The following KCNH7 variants were observed in gnomAD, a reference collection of about 807,000 sequenced individuals.
The protein encoded by KCNH7 is potassium voltage-gated channel subfamily H member 7, also known as voltage-gated inwardly rectifying potassium channel KCNH7.
Under a neutral mutation model 120.8 loss-of-function variants are expected in KCNH7, and 49 were observed. The observed-to-expected ratio is 0.41, with a 90% CI of 0.32 to 0.51. KCNH7 has a LOEUF of 0.51. Among genes scored for constraint, KCNH7 ranks in the 20% least tolerant of loss-of-function variants. KCNH7 has a pLI of 0.38. For missense variants in KCNH7, 1,097 were observed against 1,446.6 expected (o/e 0.76, Z 3.92); for synonymous variants, 547 against 516.1 (o/e 1.06, Z -0.81).
At chr2:162,564,257 C>G (rs1437219559) in intron 2 of KCNH7, among the ~76,000 whole-genome samples, 1 of 148,066 alleles carries the variant, frequency 6.8e-6, no homozygotes. Flanking sequence ...ACGGTTAGGA[C>G]CTGTATTTCT....
At chr2:162,610,230 T>C (rs557477881) in intron 2 of KCNH7, among the ~76,000 whole-genome samples, 5 of 152,330 alleles carry the variant, frequency 3.3e-5, no homozygotes, top group African/African-American at 1.2e-4. Context: ...TGAGAGGTTA[T>C]GGAGAATGGG....
At chr2:162,535,807 T>C (rs1303069599) in intron 3 of KCNH7, among the ~76,000 whole-genome samples, 2 of 151,816 alleles carry the variant, frequency 1.3e-5, no homozygotes, top group Non-Finnish European at 2.9e-5. Context: ...ACTGTATGAT[T>C]CTGAGCGATA....
intron 2 of KCNH7, among the ~76,000 whole-genome samples, chr2:162,551,417 A>G (rs545330376): frequency 2.0e-5 from 3 of 152,202 alleles, no homozygotes; most frequent in Non-Finnish European, 4.4e-5. Context: ...AAATTGTGAA[A>G]GAGAATTGGA....
At chr2:162,556,022 GAC>G (rs1446840410) in intron 2 of KCNH7, among the ~76,000 whole-genome samples, 1 of 151,874 alleles carries the variant, frequency 6.6e-6, no homozygotes, top group East Asian at 1.9e-4. Context: ...AAAAACTAAT[GAC>G]ACATATTTCT....
chr2:162,554,403 A>T (rs1213767499), intron 2 of KCNH7, among the ~76,000 whole-genome samples: 2 of 152,044 alleles, frequency 1.3e-5, no homozygotes, highest in Non-Finnish European at 2.9e-5. Flanking sequence ...GCCCCAAAAA[A>T]TGTTGTCCTT....
chr2:162,587,047 G>C (rs1480654973), intron 2 of KCNH7, among the ~76,000 whole-genome samples: 1 of 151,956 alleles, frequency 6.6e-6, no homozygotes, highest in Admixed American at 6.6e-5. Flanking sequence ...TTACTTGTAA[G>C]CAAAACTTAG....
At chr2:162,398,065 A>C (rs1041159491) in intron 10 of KCNH7, among the ~76,000 whole-genome samples, 2 of 151,810 alleles carry the variant, frequency 1.3e-5, no homozygotes, top group Non-Finnish European at 2.9e-5. Flanking sequence ...AGTACTTAAA[A>C]ACTGTACTTG....
At chr2:162,704,387 T>C (rs977224423) in intron 2 of KCNH7, among the ~76,000 whole-genome samples, 1 of 152,174 alleles carries the variant, frequency 6.6e-6, no homozygotes, top group African/African-American at 2.4e-5. Context: ...TATTGAAATC[T>C]TAGGAAAAGA....
intron 2 of KCNH7, among the ~76,000 whole-genome samples, chr2:162,548,450 T>G (rs1307281923): frequency 6.6e-6 from 1 of 152,160 alleles, no homozygotes; most frequent in East Asian, 1.9e-4. Context: ...TACTGTTGCT[T>G]TTTTGTCTTA....
At chr2:162,625,140 A>C (rs985253328) in intron 2 of KCNH7, among the ~76,000 whole-genome samples, 14 of 151,532 alleles carry the variant, frequency 9.2e-5, no homozygotes, top group African/African-American at 3.4e-4. Context: ...CAAGTTATCC[A>C]CCTGCCTCGG....
intron 3 of KCNH7, chr2:162,528,291 T>G (rs1413368450): frequency 6.6e-6 from 1 of 151,922 alleles, no homozygotes; most frequent in Non-Finnish European, 1.5e-5. Context: ...GTTCTCCAGT[T>G]TTCCAGTCTT....
Position 162,500,532 on chromosome 2 carries a change from G to A in KCNH7, c.1128+3911C>T, listed in dbSNP as rs1055808081. On this transcript the variant is annotated intron_variant, in intron 6 of 15. Transcript: ENST00000332142. ...ACTAATTGCCTAATTCTAATTTAAC[G>A]TGTAATAGAGATAAGATCCAAGTGG... Among the ~76,000 whole-genome samples, 13 of 151,878 alleles carry A rather than the reference G, an allele frequency of 8.6e-5. No homozygotes were observed. In the East Asian group the frequency reaches 2.1e-3, roughly 25 times the overall value.
chr2:162,604,676 G>A (rs894761261), intron 2 of KCNH7, among the ~76,000 whole-genome samples: 1 of 152,046 alleles, frequency 6.6e-6, no homozygotes, highest in Admixed American at 6.6e-5. Context: ...AAACAGAAGA[G>A]CTAATCTGGA....
chr2:162,699,439 T>C (rs560754656), intron 2 of KCNH7, among the ~76,000 whole-genome samples: 2 of 152,292 alleles, frequency 1.3e-5, no homozygotes, highest in East Asian at 3.9e-4. Flanking sequence ...AATAAATTTA[T>C]TTTAATCCAA....
At chr2:162,424,341 A>C (rs1687793801) in intron 8 of KCNH7, among the ~76,000 whole-genome samples, 1 of 152,208 alleles carries the variant, frequency 6.6e-6, no homozygotes, top group South Asian at 2.1e-4. Flanking sequence ...TTCATGATTT[A>C]AAATAAGCTC....
chr2:162,438,652 CAT>C (rs1688330228), intron 7 of KCNH7, among the ~76,000 whole-genome samples: 1 of 152,084 alleles, frequency 6.6e-6, no homozygotes, highest in South Asian at 2.1e-4. Flanking sequence ...AATTCTGTAA[CAT>C]GTACTGCAGA....
At chr2:162,797,462 A>G (rs1684186179) in intron 2 of KCNH7, 1 of 152,130 alleles carries the variant, frequency 6.6e-6, no homozygotes, top group African/African-American at 2.4e-5. Flanking sequence ...AGTTATTATT[A>G]TCAATGAGTG....
chr2:162,422,176 T>C (rs556630962), intron 9 of KCNH7, among the ~76,000 whole-genome samples: 2 of 152,298 alleles, frequency 1.3e-5, no homozygotes, highest in South Asian at 4.1e-4. Context: ...TGGCATGTCC[T>C]TCTCAATCAA....
intron 3 of KCNH7, among the ~76,000 whole-genome samples, chr2:162,530,105 T>C (rs1691863787): frequency 6.6e-6 from 1 of 152,046 alleles, no homozygotes; most frequent in African/African-American, 2.4e-5. Flanking sequence ...GTAGAGTTCC[T>C]GGCTCTGAAA....
Sources: gnomAD v4.1 joint callset for allele counts (sites outside exome capture counted in the v4.1 genomes callset) on GRCh38, gnomAD v4.1.1 for gene constraint, MANE v1.5 for transcripts, NCBI Gene and HGNC (gene_info 2026-07-23, HGNC 2026-07-21) for gene names.